Variants in NAALADL2 observed in about 807,000 individuals in gnomAD.
NAALADL2 encodes N-acetylated alpha-linked acidic dipeptidase like 2.
A neutral mutation model predicts 87.2 loss-of-function variants in NAALADL2; 76 were observed. The observed-to-expected ratio is 0.87, with a 90% CI of 0.72 to 1.05. The LOEUF (loss-of-function observed/expected upper bound fraction) is 1.05, where lower values mean the gene tolerates loss of function less well. Ranked by LOEUF, NAALADL2 falls within the 50% of genes least tolerant of loss-of-function variation. NAALADL2 has a pLI of 0.00. For synonymous variants in NAALADL2, 354 were observed against 331.0 expected, an observed-to-expected ratio of 1.07 and a Z score of -0.75; for missense variants, 1,089 against 945.8, an observed-to-expected ratio of 1.15 and a Z score of -1.99.
At chr3:175,132,156 C>G (rs1728100611) in intron 2 of NAALADL2, among the ~76,000 whole-genome samples, 1 of 124,640 alleles carries the variant, frequency 8.0e-6, no homozygotes, top group African/African-American at 3.3e-5. Context: ...CACCTCCCTC[C>G]CGGACGGGGC....
chr3:175,227,145 A>T (rs1744270018), intron 2 of NAALADL2, among the ~76,000 whole-genome samples: 1 of 152,134 alleles, frequency 6.6e-6, no homozygotes, highest in South Asian at 2.1e-4. Context: ...ATCGTTCTTT[A>T]GATGTTTTTG....
intron 2 of NAALADL2, among the ~76,000 whole-genome samples, chr3:174,707,602 C>T (rs1035084613): frequency 1.5e-4 from 20 of 136,172 alleles, no homozygotes; most frequent in African/African-American, 5.1e-4. Context: ...ACAATGAGAA[C>T]GCCTGGACAC....
chr3:174,838,429 C>T (rs773429583), intron 3 of NAALADL2, among the ~76,000 whole-genome samples: 10 of 152,046 alleles, frequency 6.6e-5, no homozygotes, highest in Non-Finnish European at 1.0e-4. Context: ...TGTGAGAAAT[C>T]GAACAAGGCA....
At chr3:175,269,710 ATGT>A (rs1255722068) in intron 4 of NAALADL2, among the ~76,000 whole-genome samples, 4 of 152,318 alleles carry the variant, frequency 2.6e-5, no homozygotes, top group African/African-American at 9.6e-5. Flanking sequence ...GTCTTATCCA[ATGT>A]TGTACATTTA....
At chr3:175,305,598 C>T (rs148955539) in intron 4 of NAALADL2, among the ~76,000 whole-genome samples, 1,633 of 152,212 alleles carry the variant, frequency 0.011, 34 homozygotes, top group African/African-American at 0.038. Context: ...TCTCGGCTCA[C>T]CGCAACCTCC....
intron 2 of NAALADL2, among the ~76,000 whole-genome samples, chr3:174,562,121 G>A (rs1469161820): frequency 6.6e-6 from 1 of 151,978 alleles, no homozygotes; most frequent in Non-Finnish European, 1.5e-5. Context: ...GTTGACAGCA[G>A]GATTCTATCA....
intron 1 of NAALADL2, among the ~76,000 whole-genome samples, chr3:174,963,120 T>C (rs1188034289): frequency 6.6e-6 from 1 of 152,110 alleles, no homozygotes; most frequent in Non-Finnish European, 1.5e-5. Context: ...AGGTCAAATA[T>C]ACATTCTGTT....
chr3:175,503,211 A>C (rs191064470), intron 9 of NAALADL2, among the ~76,000 whole-genome samples: 1 of 152,268 alleles, frequency 6.6e-6, no homozygotes, highest in African/African-American at 2.4e-5. Context: ...TAATTTGCAT[A>C]GGTTAATGGC....
At chr3:175,352,979 C>A (rs1286870242) in intron 5 of NAALADL2, among the ~76,000 whole-genome samples, 1 of 152,086 alleles carries the variant, frequency 6.6e-6, no homozygotes, top group African/African-American at 2.4e-5. Context: ...CTATTGTTTT[C>A]TTGAAATCAA....
chr3:175,230,008 T>A (rs1009548554), intron 2 of NAALADL2, among the ~76,000 whole-genome samples: 12 of 152,128 alleles, frequency 7.9e-5, no homozygotes, highest in Admixed American at 1.3e-4. Flanking sequence ...GGAATTGATT[T>A]GGGAACTCAG....
chr3:175,615,909 A>G (rs946681615), intron 10 of NAALADL2, among the ~76,000 whole-genome samples: 1 of 147,604 alleles, frequency 6.8e-6, no homozygotes, highest in African/African-American at 2.5e-5. Context: ...TACGTATAAT[A>G]TATATTTATA....
intron 2 of NAALADL2, among the ~76,000 whole-genome samples, chr3:174,633,472 T>C (rs969295330): frequency 1.3e-5 from 2 of 152,218 alleles, no homozygotes; most frequent in African/African-American, 4.8e-5. Context: ...ATGATGCATC[T>C]TTCCCTTCAA....
chr3:174,772,597 G>A (rs2109113516), intron 3 of NAALADL2, among the ~76,000 whole-genome samples: 1 of 152,222 alleles, frequency 6.6e-6, no homozygotes. Context: ...TTAAATGGTG[G>A]TAATAATTAC....
chr3:174,748,788 A>G (rs1213195745), intron 3 of NAALADL2, among the ~76,000 whole-genome samples: 2 of 152,208 alleles, frequency 1.3e-5, no homozygotes, highest in Non-Finnish European at 2.9e-5. Flanking sequence ...ATTGTTAACA[A>G]GGTTTGACTA....
intron 9 of NAALADL2, among the ~76,000 whole-genome samples, chr3:175,556,891 TTAC>T (rs1282140520): frequency 6.6e-6 from 1 of 152,188 alleles, no homozygotes; most frequent in Non-Finnish European, 1.5e-5. Context: ...AGGAAAAGTC[TTAC>T]TGCTCTCTGC....
chr3:175,619,206 A>C (rs1025332558), intron 10 of NAALADL2, among the ~76,000 whole-genome samples: 8 of 148,412 alleles, frequency 5.4e-5, no homozygotes, highest in Non-Finnish European at 1.2e-4. Flanking sequence ...CTCCTCAGAC[A>C]AAAAAAAAGA....
intron 9 of NAALADL2, among the ~76,000 whole-genome samples, chr3:175,515,306 C>T (rs746234175): frequency 7.9e-5 from 12 of 152,128 alleles, no homozygotes; most frequent in Non-Finnish European, 1.3e-4. Flanking sequence ...GAGGCCTCAA[C>T]AAATAGTCTT....
chr3:175,621,865 G>A (rs943818726), intron 10 of NAALADL2, among the ~76,000 whole-genome samples: 3 of 152,034 alleles, frequency 2.0e-5, no homozygotes, highest in African/African-American at 4.8e-5. Context: ...GTATATCAAA[G>A]GATAACTGTA....
At chr3:175,604,340 G>A (rs1489111185) in intron 10 of NAALADL2, among the ~76,000 whole-genome samples, 1 of 117,854 alleles carries the variant, frequency 8.5e-6, no homozygotes, top group Non-Finnish European at 1.6e-5. Context: ...GTCTCGCTGT[G>A]TTGCCCTGGC....
Sources: gnomAD v4.1 joint callset for allele counts (sites outside exome capture counted in the v4.1 genomes callset) on GRCh38, gnomAD v4.1.1 for gene constraint, MANE v1.5 for transcripts, NCBI Gene and HGNC (gene_info 2026-07-23, HGNC 2026-07-21) for gene names.